Variants in XYLT1 observed in about 807,000 individuals in gnomAD.
XYLT1 encodes xylosyltransferase 1.
Under a neutral mutation model 91.3 loss-of-function variants are expected in XYLT1, and 36 were observed. The observed-to-expected ratio is 0.39, with a 90% confidence interval of 0.30 to 0.52. The LOEUF (loss-of-function observed/expected upper bound fraction) is 0.52, where lower values mean the gene tolerates loss of function less well. XYLT1 is among the 20% of genes least tolerant of loss of function. The pLI, the probability that XYLT1 is intolerant of heterozygous loss-of-function variation, is 0.68. For synonymous variants in XYLT1, 588 were observed against 532.0 expected, an observed-to-expected ratio of 1.11 and a Z score of -1.45; for missense variants, 1,242 against 1,284.5, an observed-to-expected ratio of 0.97 and a Z score of 0.51.
intron 1 of XYLT1, among the ~76,000 whole-genome samples, chr16:17,369,210 A>C (rs1596507307): frequency 6.7e-6 from 1 of 149,556 alleles, no homozygotes; most frequent in South Asian, 2.1e-4. Context: ...GCTCACTGCA[A>C]CCTCCACCTC....
intron 3 of XYLT1, among the ~76,000 whole-genome samples, chr16:17,240,090 T>C (rs2033322547): frequency 1.3e-5 from 2 of 152,172 alleles, no homozygotes; most frequent in South Asian, 2.1e-4. Flanking sequence ...CTGGAATAAA[T>C]GCTATAAAAG....
intron 7 of XYLT1, among the ~76,000 whole-genome samples, chr16:17,139,131 G>C (rs1466535151): frequency 6.6e-6 from 1 of 152,154 alleles, no homozygotes; most frequent in African/African-American, 2.4e-5. Flanking sequence ...TGTTGGATCT[G>C]AAAAGAAAAA....
chr16:17,291,537 C>A (rs996172298), intron 2 of XYLT1, among the ~76,000 whole-genome samples: 4 of 152,088 alleles, frequency 2.6e-5, no homozygotes, highest in Non-Finnish European at 5.9e-5. Flanking sequence ...GTGGAACACA[C>A]CCACCTCAAT....
At position 17,127,731 on chromosome 16, in the gene XYLT1, T is replaced by C. The variant is rs1054738249; in HGVS notation, c.2158A>G (p.Met720Val). Residue 720 changes from methionine (M) to valine (V), a missense_variant, in exon 10 of 12, where the codon ATG (methionine) becomes GTG (valine). Met to Val is a conservative substitution (Grantham distance 21). Around this residue, in one of 3 missense-constraint regions of XYLT1, gnomAD observed 511 missense variants for 497.0 expected, o/e 1.03. Transcript: ENST00000261381. The stretch of plus-strand genomic sequence containing the variant: ...GCGATCTTGAAGACTTTTTTCGGCA[T>C]CACCCAGGTCTCCAGAGTCTCTAGT... ...SKLETLETWV[M>V]PKKVFKIASP... 6.2e-7 allele frequency: 1 copy of C among 1,614,202 alleles called. No individual in the cohort carries two copies. The highest frequency in any genetic ancestry group is 1.3e-5 in the African/African-American group (1 of 75,050).
In XYLT1 at chr16:17,108,398, C is replaced by T. The variant is rs1043925634; in HGVS notation, c.*297G>A. 3 of 347,626 alleles carry T rather than the reference C, an allele frequency of 8.6e-6. No individual in the cohort carries two copies. The highest frequency in any genetic ancestry group is 6.3e-5 in the African/African-American group (3 of 47,838). 21.5% of individuals were successfully genotyped at this position (347,626 alleles called of 1,614,324 possible). A position where few individuals can be genotyped will look rare whatever the true frequency, so the allele number is the denominator to read the frequency against. On this transcript the variant is annotated 3_prime_UTR_variant, in exon 12 of 12. Coordinates refer to ENST00000261381, the MANE Select transcript of XYLT1 (RefSeq NM_022166.4). Reference sequence around the variant, plus strand: ...AGTCTGAAAATCACACGTCTGGGGTCAGGGGTGGGTCACTGGAAGGGGAAG... The same window carrying T: ...AGTCTGAAAATCACACGTCTGGGGTTAGGGGTGGGTCACTGGAAGGGGAAG...
In XYLT1 at chr16:17,127,671, A is replaced by G. The variant is rs756050550; in HGVS notation, c.2218T>C (p.Ser740Pro). The change falls in exon 10 of 12, where the codon TCC becomes CCC. Residue 740 changes from serine to proline, a missense_variant. Ser to Pro is a moderately conservative substitution (Grantham distance 74). Around this residue, in one of 3 missense-constraint regions of XYLT1, gnomAD observed 511 missense variants for 497.0 expected, o/e 1.03. Transcript: ENST00000261381. ...GACAAGACCTGGCCTCTTACCTCGGAAAACTGAAGCCTCCCAAAGTCACTG... is the reference window on the plus strand; with the variant it reads ...GACAAGACCTGGCCTCTTACCTCGGGAAACTGAAGCCTCCCAAAGTCACTG... ...PPSDFGRLQF[S>P]EVGTDWDAKE... The G allele has an allele frequency of 5.0e-6, 8 of 1,613,192 alleles. No homozygotes were observed. Among genetic ancestry groups the G allele is most frequent in the Non-Finnish European group, 6.8e-6 (8 of 1,179,768 alleles).
At chr16:17,138,118 AATAATGAAAG>A (rs2030819281) in intron 8 of XYLT1, 1 of 467,002 alleles carries the variant, frequency 2.1e-6, no homozygotes, top group East Asian at 3.1e-5. Flanking sequence ...AAAATGGAAT[AATAATGAAAG>A]GTCATTTGTT....
chr16:17,288,566 T>C (rs1357997937), intron 2 of XYLT1, among the ~76,000 whole-genome samples: 1 of 152,046 alleles, frequency 6.6e-6, no homozygotes, highest in Non-Finnish European at 1.5e-5. Flanking sequence ...TCCCAAGAGG[T>C]TGAGATGACT....
At chr16:17,337,880 A>C (rs1448412770) in intron 2 of XYLT1, among the ~76,000 whole-genome samples, 2 of 146,922 alleles carry the variant, frequency 1.4e-5, no homozygotes, top group African/African-American at 5.1e-5. Context: ...TCCAGGGTTC[A>C]AGTGATTCTT....
chr16:17,187,189 C>T (rs1290352291), intron 5 of XYLT1, among the ~76,000 whole-genome samples: 1 of 151,528 alleles, frequency 6.6e-6, no homozygotes, highest in East Asian at 1.9e-4. Context: ...GCCAGGAGTT[C>T]GAGACCAGCC....
At chr16:17,324,850 C>T (rs976208155) in intron 2 of XYLT1, among the ~76,000 whole-genome samples, 10 of 151,054 alleles carry the variant, frequency 6.6e-5, no homozygotes, top group Non-Finnish European at 1.5e-4. Flanking sequence ...ATGATTTCAC[C>T]GATCTTTCTT....
intron 6 of XYLT1, among the ~76,000 whole-genome samples, chr16:17,155,135 C>T (rs2031373836): frequency 6.6e-6 from 1 of 152,236 alleles, no homozygotes; most frequent in Non-Finnish European, 1.5e-5. Context: ...CACAGAGAGG[C>T]TTCATCACGT....
intron 2 of XYLT1, among the ~76,000 whole-genome samples, chr16:17,333,741 CCATG>C (rs2034937876): frequency 6.6e-6 from 1 of 151,954 alleles, no homozygotes; most frequent in Admixed American, 6.6e-5. Context: ...GCATGTACCA[CCATG>C]CCTGGCCCAT....
chr16:17,304,589 C>A (rs4780697), intron 2 of XYLT1, among the ~76,000 whole-genome samples: 91,849 of 151,996 alleles, frequency 0.6, 29,363 homozygotes, highest in African/African-American at 0.82. Context: ...TCTTGGCCCT[C>A]AACCTGCTGT....
intron 3 of XYLT1, among the ~76,000 whole-genome samples, chr16:17,220,299 G>A (rs1260820403): frequency 6.6e-6 from 1 of 152,024 alleles, no homozygotes; most frequent in African/African-American, 2.4e-5. Flanking sequence ...GGTAGGATTT[G>A]TTGAAACTGC....
chr16:17,356,976 A>G (rs2035303666), intron 2 of XYLT1, among the ~76,000 whole-genome samples: 1 of 151,900 alleles, frequency 6.6e-6, no homozygotes, highest in Admixed American at 6.6e-5. Context: ...GGAGATCAAG[A>G]CCATCCTGGC....
At chr16:17,113,151 G>C (rs1165213261) in intron 11 of XYLT1, among the ~76,000 whole-genome samples, 1 of 142,556 alleles carries the variant, frequency 7.0e-6, no homozygotes, top group Non-Finnish European at 1.5e-5. Flanking sequence ...TTTATTTATT[G>C]TTTTGGAGAT....
rs530940051 is a variant in XYLT1 at position 17,358,033 on chromosome 16, C to T, written c.381G>A (p.Pro127=). The change falls in exon 2 of 12, where the codon CCG becomes CCA. Residue 127 remains proline (P), a synonymous_variant. Coordinates refer to ENST00000261381, the MANE Select transcript of XYLT1 (RefSeq NM_022166.4). The stretch of plus-strand genomic sequence containing the variant: ...TTACCTGAGTCTCCAGGGTGATGAG[C>T]GGACTTGGGTGTGGATCCTGTAGGA... ...PARALDPHPS[P]LITLETQDGY... 17 of 1,613,238 alleles carry T rather than the reference C, an allele frequency of 1.1e-5. No individual in the cohort carries two copies. Among genetic ancestry groups the T allele is most frequent in the East Asian group, 8.9e-5 (4 of 44,804 alleles).
chr16:17,288,174 C>A (rs1445877105), intron 2 of XYLT1, among the ~76,000 whole-genome samples: 1 of 151,790 alleles, frequency 6.6e-6, no homozygotes, highest in Non-Finnish European at 1.5e-5. Context: ...AGCCATCCTC[C>A]CGCTTCGGCC....
Sources: gnomAD v4.1 joint callset for allele counts (sites outside exome capture counted in the v4.1 genomes callset) on GRCh38, gnomAD v4.1.1 for gene constraint, gnomAD v4.1.1 regional missense constraint, MANE v1.5 for transcripts, NCBI Gene and HGNC (gene_info 2026-07-23, HGNC 2026-07-21) for gene names.